The following CDC42SE2 variants were observed in gnomAD, a reference collection of about 807,000 sequenced individuals.
CDC42SE2 encodes the protein CDC42 small effector 2.
CDC42SE2 carries 3 observed loss-of-function variants against 11.5 expected under a neutral mutation model. The observed-to-expected ratio is 0.26, with a 90% confidence interval of 0.12 to 0.67. The LOEUF (loss-of-function observed/expected upper bound fraction) is 0.67. CDC42SE2 is among the 30% of genes least tolerant of loss of function. The pLI, the probability that CDC42SE2 is intolerant of heterozygous loss-of-function variation, is 0.80. For missense variants in CDC42SE2, 82 were observed against 106.8 expected (o/e 0.77, Z 1.02); for synonymous variants, 33 against 34.8 (o/e 0.95, Z 0.18).
chr5:131,271,708 A>C (rs532288039), intron 1 of CDC42SE2, among the ~76,000 whole-genome samples: 23 of 152,182 alleles, frequency 1.5e-4, no homozygotes, highest in Non-Finnish European at 2.9e-4. Context: ...CTGTCCCAAG[A>C]CCACCTCCTT....
At chr5:131,295,430 G>T (rs558371377) in intron 1 of CDC42SE2, among the ~76,000 whole-genome samples, 1 of 152,120 alleles carries the variant, frequency 6.6e-6, no homozygotes, top group African/African-American at 2.4e-5. Context: ...CCATATAATG[G>T]AATATTGTAC....
At position 131,373,279 on chromosome 5, in the gene CDC42SE2, C is replaced by T. The variant is rs189630125; in HGVS notation, c.55-12264C>T. Among the ~76,000 whole-genome samples the T allele has an allele frequency of 2.3e-4, 35 of 152,024 alleles. No individual in the cohort carries two copies. The East Asian group carries it at 6.8e-3, about 29-fold the overall frequency. On this transcript the variant is annotated intron_variant, in intron 3 of 4. Coordinates refer to ENST00000505065, the MANE Select transcript of CDC42SE2 (RefSeq NM_001375635.1). ...AAAGAGAGTGAAGAGGAGAGAGAAC[C>T]GTGGATCAGATATAATAAAAAAATA...
At chr5:131,385,751 G>A in intron 4 of CDC42SE2, 107 bp downstream of exon 4, 2 of 610,666 alleles carry the variant, frequency 3.3e-6, no homozygotes, top group Non-Finnish European at 2.9e-6. Flanking sequence ...ATGAATTTGT[G>A]TACAGTGAAT....
chr5:131,392,206 A>G lies in CDC42SE2; in HGVS notation c.*1115A>G, dbSNP rs1039348175. On this transcript the variant is annotated 3_prime_UTR_variant, in exon 5 of 5. Coordinates refer to ENST00000505065, the MANE Select transcript of CDC42SE2 (RefSeq NM_001375635.1). ...TGCCGACCCCCTGCCTTACGATTTT[A>G]TTGGAAAGCAAGGACCTGCTATTAT... 6 of 152,140 alleles carry G rather than the reference A, an allele frequency of 3.9e-5. No individual in the cohort carries two copies. The highest frequency in any genetic ancestry group is 8.8e-5 in the Non-Finnish European group (6 of 67,890). 9.4% of individuals were successfully genotyped at this position (152,140 alleles called of 1,614,324 possible). A position where few individuals can be genotyped will look rare whatever the true frequency, so the allele number is the denominator to read the frequency against.
At chr5:131,329,822 T>A (rs1008925013) in intron 2 of CDC42SE2, among the ~76,000 whole-genome samples, 1 of 133,224 alleles carries the variant, frequency 7.5e-6, no homozygotes, top group African/African-American at 2.9e-5. Context: ...GAGGTTGTAG[T>A]GAGCTGAGAT....
chr5:131,383,878 CAG>C, intron 3 of CDC42SE2, among the ~76,000 whole-genome samples: 1 of 152,172 alleles, frequency 6.6e-6, no homozygotes, highest in East Asian at 1.9e-4. Context: ...GAGGATAAAG[CAG>C]AGTTACTTTT....
intron 2 of CDC42SE2, among the ~76,000 whole-genome samples, chr5:131,339,577 C>T (rs1017857329): frequency 5.3e-5 from 8 of 151,972 alleles, no homozygotes; most frequent in South Asian, 4.1e-4. Context: ...GAGGCTAAGG[C>T]GGGCAGATCA....
In CDC42SE2 at chr5:131,291,176, T is replaced by C. The variant is rs74789727; in HGVS notation, c.-454-24800T>C. Among the ~76,000 whole-genome samples the C allele has an allele frequency of 2.5e-3, 380 of 152,302 alleles. 2 individuals are homozygous for C. Among genetic ancestry groups the C allele is most frequent in the African/African-American group, 8.5e-3 (355 of 41,572 alleles). On this transcript the variant is annotated intron_variant, in intron 1 of 4. Transcript: ENST00000505065. The stretch of plus-strand genomic sequence containing the variant: ...TGTCAAATTGTCATATCTTAATCAC[T>C]TATAAAATGTTTATATAATGAAGGT...
rs76892846 is a variant in CDC42SE2, at chr5:131,289,144, A to G, written c.-455+24978A>G. On this transcript the variant is annotated intron_variant, in intron 1 of 4. Transcript: ENST00000505065. ...TATTGTCTGTTGTATATGTTTTTAC[A>G]TAATGTATTGACTAAGATCTTGACC... Among the ~76,000 whole-genome samples, 218 of 152,336 alleles carry G rather than the reference A, an allele frequency of 1.4e-3. 2 individuals carry two copies. The East Asian group carries it at 0.024, about 17-fold the overall frequency.
At chr5:131,336,954 C>T (rs780104991) in intron 2 of CDC42SE2, among the ~76,000 whole-genome samples, 4 of 152,202 alleles carry the variant, frequency 2.6e-5, no homozygotes, top group African/African-American at 4.8e-5. Flanking sequence ...TCTTCTGAAG[C>T]CTTCCTCTGT....
chr5:131,275,299 T>C (rs1265520674), intron 1 of CDC42SE2, among the ~76,000 whole-genome samples: 2 of 137,828 alleles, frequency 1.5e-5, no homozygotes, highest in African/African-American at 5.6e-5. Context: ...TATTGTAATC[T>C]TTTTTTTTTT....
intron 1 of CDC42SE2, among the ~76,000 whole-genome samples, chr5:131,313,964 A>T (rs749098231): frequency 4.6e-5 from 7 of 152,118 alleles, no homozygotes; most frequent in Non-Finnish European, 8.8e-5. Context: ...AGTAGCTGGG[A>T]TTACAGGTGT....
intron 4 of CDC42SE2, among the ~76,000 whole-genome samples, chr5:131,390,344 A>G (rs1328200549): frequency 2.0e-5 from 3 of 152,126 alleles, no homozygotes; most frequent in Non-Finnish European, 4.4e-5. Flanking sequence ...AGGTGATTAT[A>G]TATGTGAGAT....
chr5:131,301,209 G>A (rs1214244174), intron 1 of CDC42SE2, among the ~76,000 whole-genome samples: 1 of 152,160 alleles, frequency 6.6e-6, no homozygotes, highest in Non-Finnish European at 1.5e-5. Flanking sequence ...GGAGAGAGGA[G>A]AGATGGGGTT....
chr5:131,347,524 A>T (rs901426304), intron 2 of CDC42SE2, among the ~76,000 whole-genome samples: 1 of 152,202 alleles, frequency 6.6e-6, no homozygotes, highest in African/African-American at 2.4e-5. Flanking sequence ...ACCAACCAAA[A>T]AAAGTCCAGG....
At chr5:131,355,907 AAGG>A (rs1481644385) in intron 2 of CDC42SE2, among the ~76,000 whole-genome samples, 6 of 152,268 alleles carry the variant, frequency 3.9e-5, no homozygotes, top group African/African-American at 1.4e-4. Context: ...AGGTGGCAAA[AAGG>A]AGGAGGGGAA....
the CDC42SE2 span, among the ~76,000 whole-genome samples, chr5:131,224,654 C>T: frequency 6.6e-6 from 1 of 152,068 alleles, no homozygotes; most frequent in Non-Finnish European, 1.5e-5. Flanking sequence ...CCAGAGTGAG[C>T]TTCATAAATG....
At chr5:131,265,044 C>T (rs1451966634) in intron 1 of CDC42SE2, among the ~76,000 whole-genome samples, 1 of 152,178 alleles carries the variant, frequency 6.6e-6, no homozygotes, top group South Asian at 2.1e-4. Flanking sequence ...TCAGACAAAG[C>T]TTATCTCACA....
intron 2 of CDC42SE2, among the ~76,000 whole-genome samples, chr5:131,352,845 C>A (rs1256289712): frequency 2.0e-5 from 3 of 152,176 alleles, no homozygotes; most frequent in African/African-American, 7.2e-5. Flanking sequence ...GAACTTCAGA[C>A]CCCCTTCCCC....
Sources: allele counts gnomAD v4.1 joint callset (sites outside exome capture counted in the v4.1 genomes callset), GRCh38; gene constraint gnomAD v4.1.1; transcripts MANE v1.5; gene names NCBI Gene and HGNC (gene_info 2026-07-23, HGNC 2026-07-21).